The following RALGPS1 variants were observed in gnomAD, a reference collection of about 807,000 sequenced individuals.
RALGPS1 encodes ras-specific guanine nucleotide-releasing factor RalGPS1.
RALGPS1 carries 19 observed loss-of-function variants against 78.8 expected under a neutral mutation model. That is an observed-to-expected ratio of 0.24 (90% CI 0.17 to 0.35). The LOEUF is 0.35. RALGPS1 is among the 10% of genes least tolerant of loss of function. The pLI is 1.00. For synonymous variants in RALGPS1, 228 were observed against 256.3 expected (o/e 0.89, Z 1.06); for missense variants, 454 against 688.3 (o/e 0.66, Z 3.81).
chr9:126,990,012 C>G (rs2042142730), intron 4 of RALGPS1: 1 of 1,549,734 alleles, frequency 6.5e-7, no homozygotes, highest in Non-Finnish European at 8.7e-7. Flanking sequence ...GACCCTCTGG[C>G]CTTTTGTCTG....
In RALGPS1 at chr9:126,956,546, A is replaced by G. The variant is rs527530328; in HGVS notation, c.-65-5679A>G. Reference sequence around the variant, plus strand: ...ACCTCCCGTATAAAGCATAATGGGTAACACACTACGGCTGCCATGCTTCAT... The same window carrying G: ...ACCTCCCGTATAAAGCATAATGGGTGACACACTACGGCTGCCATGCTTCAT... On this transcript the variant is annotated intron_variant, in intron 1 of 18. Transcript: ENST00000259351. 5.9e-5 allele frequency among the ~76,000 whole-genome samples: 9 copies of G among 152,250 alleles called. No homozygotes were observed. In the South Asian group the frequency reaches 1.9e-3, roughly 32 times the overall value.
At chr9:127,017,786 A>G (rs1169970822) in intron 4 of RALGPS1, among the ~76,000 whole-genome samples, 1 of 152,132 alleles carries the variant, frequency 6.6e-6, no homozygotes, top group Non-Finnish European at 1.5e-5. Context: ...TTAAGAACTA[A>G]GACGCAGACA....
intron 8 of RALGPS1, among the ~76,000 whole-genome samples, chr9:127,124,830 T>C (rs1433100321): frequency 1.3e-5 from 2 of 152,236 alleles, no homozygotes; most frequent in Non-Finnish European, 2.9e-5. Flanking sequence ...ACTGGATTAA[T>C]GTGAGCTACA....
intron 1 of RALGPS1, among the ~76,000 whole-genome samples, chr9:126,945,646 A>G (rs2037188363): frequency 1.3e-5 from 2 of 152,106 alleles, no homozygotes; most frequent in Non-Finnish European, 2.9e-5. Flanking sequence ...TGGCTCTGGG[A>G]GAGTCAGGAC....
At chr9:127,026,601 A>C (rs113517220) in intron 4 of RALGPS1, among the ~76,000 whole-genome samples, 1 of 152,352 alleles carries the variant, frequency 6.6e-6, no homozygotes, top group Non-Finnish European at 1.5e-5. Context: ...TAAGTACGTT[A>C]GAGGGGTTTT....
At position 127,052,935 on chromosome 9, in the gene RALGPS1, G is replaced by A. The variant is rs1163577450; in HGVS notation, c.479G>A (p.Trp160Ter). The change falls in exon 7 of 19, where the codon TGG (tryptophan) becomes TAG (stop). Residue 160 changes from tryptophan to a stop codon, truncating the protein, a stop_gained. Transcript: ENST00000259351. LOFTEE classifies it high-confidence loss of function. ...CCCATCTTCAGGCTGACAAAAACCTGGGCTGTAAGTTAATCTCCCTAAGTC... is the reference window on the plus strand; with the variant it reads ...CCCATCTTCAGGCTGACAAAAACCTAGGCTGTAAGTTAATCTCCCTAAGTC... ...SAPIFRLTKT[W>*]ALLNRKDKTT... 6.3e-7 allele frequency: 1 copy of A among 1,582,224 alleles called. No individual in the cohort carries two copies. The highest frequency in any genetic ancestry group is 8.7e-7 in the Non-Finnish European group (1 of 1,151,218).
chr9:127,009,136 C>T (rs977498511), intron 4 of RALGPS1, among the ~76,000 whole-genome samples: 9 of 152,192 alleles, frequency 5.9e-5, no homozygotes, highest in African/African-American at 2.2e-4. Context: ...ATTAGGGAGC[C>T]ACATAGACTT....
intron 8 of RALGPS1, among the ~76,000 whole-genome samples, chr9:127,129,417 T>C (rs1477976579): frequency 1.3e-5 from 2 of 152,158 alleles, no homozygotes; most frequent in Non-Finnish European, 2.9e-5. Context: ...GGAGACAAGG[T>C]ACTGAGGACA....
At chr9:127,146,082 A>G (rs2058076938) in intron 8 of RALGPS1, among the ~76,000 whole-genome samples, 1 of 152,130 alleles carries the variant, frequency 6.6e-6, no homozygotes, top group Non-Finnish European at 1.5e-5. Flanking sequence ...TTAAATTTCA[A>G]ACTTTTATTT....
intron 3 of RALGPS1, among the ~76,000 whole-genome samples, chr9:126,966,232 G>T (rs112767130): frequency 2.0e-5 from 3 of 152,100 alleles, no homozygotes; most frequent in African/African-American, 4.8e-5. Context: ...AAAAATTCAT[G>T]TACAGACTGG....
At chr9:126,940,325 G>T (rs2036641333) in intron 1 of RALGPS1, among the ~76,000 whole-genome samples, 2 of 152,032 alleles carry the variant, frequency 1.3e-5, no homozygotes, top group South Asian at 4.1e-4. Context: ...GAAAGTCCAA[G>T]CCACGTAAAT....
chr9:127,176,504 T>C (rs1301815222), intron 11 of RALGPS1, among the ~76,000 whole-genome samples: 1 of 152,200 alleles, frequency 6.6e-6, no homozygotes, highest in Non-Finnish European at 1.5e-5. Flanking sequence ...AAGACTAGCC[T>C]ATTGCATCGG....
intron 17 of RALGPS1, 91 bp from the exon 18 acceptor site, chr9:127,214,660 G>A (rs1240680076): frequency 4.6e-6 from 7 of 1,520,254 alleles, no homozygotes; most frequent in African/African-American, 4.3e-5. Context: ...TCCCACTTTA[G>A]TTACCCGTGT....
intron 1 of RALGPS1, among the ~76,000 whole-genome samples, chr9:126,935,290 A>G (rs1390814390): frequency 3.9e-5 from 6 of 152,178 alleles, no homozygotes; most frequent in East Asian, 1.9e-4. Context: ...GAGATGCTCA[A>G]TAAACGTTAC....
intron 11 of RALGPS1, 90 bp from the exon 12 acceptor site, chr9:127,195,001 G>C: frequency 6.6e-7 from 1 of 1,505,296 alleles, no homozygotes; most frequent in Non-Finnish European, 9.1e-7. Context: ...CTTCAAACCC[G>C]GGGCCCACCT....
At chr9:126,945,850 T>A (rs1189056823) in intron 1 of RALGPS1, among the ~76,000 whole-genome samples, 1 of 152,242 alleles carries the variant, frequency 6.6e-6, no homozygotes, top group Non-Finnish European at 1.5e-5. Flanking sequence ...AGACATCGTC[T>A]TCTCTTATCA....
chr9:127,161,520 G>A (rs989738365), intron 8 of RALGPS1, among the ~76,000 whole-genome samples: 17 of 152,204 alleles, frequency 1.1e-4, no homozygotes, highest in African/African-American at 4.1e-4. Context: ...ATGTGGCAGA[G>A]CTGGAAGGAC....
At chr9:126,946,963 T>C (rs1196754015) in intron 1 of RALGPS1, among the ~76,000 whole-genome samples, 4 of 152,020 alleles carry the variant, frequency 2.6e-5, no homozygotes, top group Non-Finnish European at 5.9e-5. Context: ...ATTTCCAGAG[T>C]AGATTGTAGA....
intron 8 of RALGPS1, among the ~76,000 whole-genome samples, chr9:127,119,981 T>C (rs1387797183): frequency 2.6e-5 from 4 of 152,188 alleles, no homozygotes; most frequent in African/African-American, 9.7e-5. Flanking sequence ...TTCAAAATGC[T>C]TCCAAGCGTG....
Sources: gnomAD v4.1 joint callset for allele counts (sites outside exome capture counted in the v4.1 genomes callset) on GRCh38, gnomAD v4.1.1 for gene constraint, MANE v1.5 for transcripts, NCBI Gene and HGNC (gene_info 2026-07-23, HGNC 2026-07-21) for gene names.